The following CLNK variants were observed in gnomAD, a reference collection of about 807,000 sequenced individuals.
The protein encoded by CLNK is cytokine-dependent hematopoietic cell linker.
A neutral mutation model predicts 68.6 loss-of-function variants in CLNK; 74 were observed. That is an observed-to-expected ratio of 1.08 (90% CI 0.89 to 1.31). CLNK has a LOEUF of 1.31. CLNK is among the 50% of genes most tolerant of loss of function. CLNK has a pLI of 0.00. For synonymous variants in CLNK, 198 were observed against 172.2 expected (o/e 1.15, Z -1.17); for missense variants, 553 against 515.3 (o/e 1.07, Z -0.71).
At chr4:10,569,451 G>C (rs1720257397) in intron 5 of CLNK, among the ~76,000 whole-genome samples, 1 of 152,094 alleles carries the variant, frequency 6.6e-6, no homozygotes, top group South Asian at 2.1e-4. Context: ...GCATCCCAAG[G>C]GGATAGTTCT....
At chr4:10,642,334 G>C (rs1723338906) in intron 2 of CLNK, among the ~76,000 whole-genome samples, 1 of 152,278 alleles carries the variant, frequency 6.6e-6, no homozygotes, top group African/African-American at 2.4e-5. Context: ...GCTTCTGATT[G>C]AAAGGCCAAG....
In CLNK at chr4:10,584,916, C is replaced by T; in HGVS notation, c.112+11G>A. On this transcript the variant is annotated intron_variant, in intron 4 of 18. Coordinates refer to ENST00000226951, the MANE Select transcript of CLNK (RefSeq NM_052964.4). Reference sequence around the variant, plus strand: ...TTCCCACCACTTAGGTGACAGAGAGCCCCGACTCACCTGTGGCACTATTGA... The same window carrying T: ...TTCCCACCACTTAGGTGACAGAGAGTCCCGACTCACCTGTGGCACTATTGA... 6.2e-7 allele frequency: 1 copy of T among 1,613,544 alleles called. No individual in the cohort carries two copies. Among genetic ancestry groups the T allele is most frequent in the Non-Finnish European group, 8.5e-7 (1 of 1,179,670 alleles).
chr4:10,593,941 A>T (rs1274413927), intron 3 of CLNK, among the ~76,000 whole-genome samples: 1 of 152,178 alleles, frequency 6.6e-6, no homozygotes, highest in Non-Finnish European at 1.5e-5. Context: ...GAAGATGTGG[A>T]TTAGAATCTT....
upstream of CLNK, among the ~76,000 whole-genome samples, chr4:10,685,722 C>CT (rs1238825193): frequency 1.3e-5 from 2 of 152,146 alleles, no homozygotes; most frequent in African/African-American, 2.4e-5. Context: ...TCTTTGAATG[C>CT]TAATTGTGAG....
intron 8 of CLNK, among the ~76,000 whole-genome samples, chr4:10,548,025 A>G (rs1027933946): frequency 2.0e-5 from 3 of 152,142 alleles, no homozygotes; most frequent in Admixed American, 1.3e-4. Context: ...CGTGAACCAT[A>G]AGGTATGTCT....
chr4:10,695,980 C>T, the CLNK span, among the ~76,000 whole-genome samples: 355 of 152,064 alleles, frequency 2.3e-3, no homozygotes, highest in Non-Finnish European at 4.4e-3. Flanking sequence ...CTCAGCCTCC[C>T]GAGTAGCTGG....
intron 2 of CLNK, among the ~76,000 whole-genome samples, chr4:10,664,845 G>A (rs1436653046): frequency 6.6e-6 from 1 of 152,228 alleles, no homozygotes; most frequent in Admixed American, 6.5e-5. Context: ...TTTCATTTGT[G>A]TGGTGCCAGC....
chr4:10,627,022 C>G (rs1722700233), intron 2 of CLNK, among the ~76,000 whole-genome samples: 1 of 152,214 alleles, frequency 6.6e-6, no homozygotes, highest in Non-Finnish European at 1.5e-5. Context: ...TTCACCCAAG[C>G]AATTTGCTAC....
At chr4:10,603,670 C>A (rs1721677563) in intron 2 of CLNK, among the ~76,000 whole-genome samples, 1 of 152,212 alleles carries the variant, frequency 6.6e-6, no homozygotes, top group Non-Finnish European at 1.5e-5. Context: ...GAGGCCTCAG[C>A]GGCCCCCACG....
intron 2 of CLNK, among the ~76,000 whole-genome samples, chr4:10,625,661 G>T (rs914645390): frequency 6.6e-6 from 1 of 152,120 alleles, no homozygotes; most frequent in South Asian, 2.1e-4. Context: ...GAGAAAGAGA[G>T]ACAGAGAGAG....
chr4:10,643,387 A>T (rs1426021072), intron 2 of CLNK, among the ~76,000 whole-genome samples: 1 of 152,232 alleles, frequency 6.6e-6, no homozygotes, highest in Non-Finnish European at 1.5e-5. Flanking sequence ...AATAATGACC[A>T]AGAGAGACAC....
At chr4:10,535,547 T>A (rs965941781) in intron 11 of CLNK, among the ~76,000 whole-genome samples, 2 of 152,238 alleles carry the variant, frequency 1.3e-5, no homozygotes, top group African/African-American at 2.4e-5. Flanking sequence ...TGTTGATTAC[T>A]CTTGCTGTTA....
the CLNK span, among the ~76,000 whole-genome samples, chr4:10,724,387 A>T: frequency 2.6e-5 from 4 of 152,256 alleles, no homozygotes; most frequent in Middle Eastern, 3.4e-3. Flanking sequence ...TCAGAATTTG[A>T]ATCCTTCTCA....
chr4:10,569,516 A>G (rs1051230030), intron 5 of CLNK, among the ~76,000 whole-genome samples: 1 of 152,190 alleles, frequency 6.6e-6, no homozygotes, highest in African/African-American at 2.4e-5. Context: ...AGTCATGAGA[A>G]AATAAACCTC....
chr4:10,705,385 A>C, the CLNK span, among the ~76,000 whole-genome samples: 1 of 152,240 alleles, frequency 6.6e-6, no homozygotes, highest in African/African-American at 2.4e-5. Context: ...TAAACAATAC[A>C]GTTTTAAAAA....
chr4:10,607,577 G>A (rs910194857), intron 2 of CLNK, among the ~76,000 whole-genome samples: 3 of 152,216 alleles, frequency 2.0e-5, no homozygotes, highest in Non-Finnish European at 4.4e-5. Context: ...TTTGGAGGCT[G>A]TTTTTGTCTT....
At chr4:10,621,360 C>T (rs1722450121) in intron 2 of CLNK, among the ~76,000 whole-genome samples, 1 of 152,116 alleles carries the variant, frequency 6.6e-6, no homozygotes, top group Non-Finnish European at 1.5e-5. Flanking sequence ...CGGAAGATAG[C>T]TGACATGTAT....
At chr4:10,682,624 T>G (rs1230057951) in intron 1 of CLNK, among the ~76,000 whole-genome samples, 2 of 152,232 alleles carry the variant, frequency 1.3e-5, no homozygotes, top group Non-Finnish European at 2.9e-5. Flanking sequence ...GAGGTTAAGC[T>G]ACTTACCTAA....
chr4:10,670,342 G>C (rs1724578961), intron 1 of CLNK, among the ~76,000 whole-genome samples: 1 of 152,234 alleles, frequency 6.6e-6, no homozygotes, highest in South Asian at 2.1e-4. Context: ...TCCCTTAAGA[G>C]TATCTACCAC....
Sources: gnomAD v4.1 joint callset for allele counts (sites outside exome capture counted in the v4.1 genomes callset) on GRCh38, gnomAD v4.1.1 for gene constraint, MANE v1.5 for transcripts, NCBI Gene and HGNC (gene_info 2026-07-23, HGNC 2026-07-21) for gene names.